SYNE1: variants seen among roughly 807,000 people sequenced by gnomAD.
The protein encoded by SYNE1 is spectrin repeat containing nuclear envelope protein 1, also known as nesprin-1.
Under a neutral mutation model 1,111.0 loss-of-function variants are expected in SYNE1, and 616 were observed. The ratio of observed to expected loss-of-function variants is 0.55; its 90% CI spans 0.52 to 0.59. SYNE1 has a LOEUF of 0.59. SYNE1 is among the 20% of genes least tolerant of loss of function. The pLI, the probability that SYNE1 is intolerant of heterozygous loss-of-function variation, is 0.00. For missense variants in SYNE1, 10,006 were observed against 10,417.0 expected, an observed-to-expected ratio of 0.96 and a Z score of 1.72; for synonymous variants, 3,855 against 3,825.8, an observed-to-expected ratio of 1.01 and a Z score of -0.28.
At chr6:152,407,575 T>C (rs2097918774) in intron 44 of SYNE1, among the ~76,000 whole-genome samples, 1 of 152,198 alleles carries the variant, frequency 6.6e-6, no homozygotes, top group Non-Finnish European at 1.5e-5. Context: ...TTATTTCTAA[T>C]GCTGAGGTAT....
intron 20 of SYNE1, 164 bp downstream of exon 20, chr6:152,462,574 T>A (rs561809232): frequency 4.2e-6 from 3 of 714,070 alleles, no homozygotes; most frequent in Non-Finnish European, 7.1e-6. Flanking sequence ...GTCTTTTTTA[T>A]GTTCAATACA....
Position 152,458,780 on chromosome 6 carries a change from C to A in SYNE1, c.2545G>T (p.Ala849Ser), listed in dbSNP as rs1192169970. The change falls in exon 22 of 146, where the codon GCC becomes TCC. Residue 849 changes from alanine to serine, a missense_variant. Around this residue, in one of 7 missense-constraint regions of SYNE1, gnomAD observed 1,971 missense variants for 2,084.1 expected, o/e 0.95. Coordinates refer to ENST00000367255, the MANE Select transcript of SYNE1 (RefSeq NM_182961.4). ...TVLEREAQSS[A>S]LFKQKHQELL... Reference sequence around the variant, plus strand: ...ACCTGATGTTTTTGTTTAAAAAGGGCACTCGATTGTGCCTCACGCTCAAGA... The same window carrying A: ...ACCTGATGTTTTTGTTTAAAAAGGGAACTCGATTGTGCCTCACGCTCAAGA... The A allele has an allele frequency of 6.2e-7, 1 of 1,613,888 alleles. No individual in the cohort carries two copies. Among genetic ancestry groups the A allele is most frequent in the African/African-American group, 1.3e-5 (1 of 74,888 alleles).
chr6:152,567,029 G>A (rs1043481087), intron 3 of SYNE1, among the ~76,000 whole-genome samples: 6 of 151,030 alleles, frequency 4.0e-5, no homozygotes, highest in South Asian at 2.1e-4. Context: ...GTGTGTATGC[G>A]TGTGTGGCAA....
Position 152,433,799 on chromosome 6 carries a change from A to C in SYNE1, c.4457T>G (p.Ile1486Ser), listed in dbSNP as rs2154210723. Residue 1486 changes from isoleucine (I) to serine (S), a missense_variant, in exon 34 of 146, where the codon ATT (isoleucine) becomes AGT (serine). Around this residue, in one of 7 missense-constraint regions of SYNE1, gnomAD observed 1,971 missense variants for 2,084.1 expected, o/e 0.95. Transcript: ENST00000367255. Reference protein sequence around the residue: ...SSAMDMQISQIKVTIQEIESK... With the variant: ...SSAMDMQISQSKVTIQEIESK... ...TATAATGTGTGAGCAGGTCACCTTA[A>C]TTTGGCTGATTTGCATGTCCATGGC... 1 of 1,613,764 alleles carries C rather than the reference A, an allele frequency of 6.2e-7. No individual in the cohort carries two copies.
intron 129 of SYNE1, among the ~76,000 whole-genome samples, 180 bp from the exon 130 acceptor site, chr6:152,176,740 T>C (rs559607450): frequency 6.6e-6 from 1 of 152,270 alleles, no homozygotes; most frequent in South Asian, 2.1e-4. Flanking sequence ...ATTTTTGGTA[T>C]GTATGCAGAG....
chr6:152,482,970 G>C, intron 14 of SYNE1, 115 bp downstream of exon 14: 1 of 1,190,266 alleles, frequency 8.4e-7, no homozygotes, highest in Non-Finnish European at 1.3e-6. Context: ...TGACGTCTCC[G>C]ATCATGTAGA....
intron 8 of SYNE1, among the ~76,000 whole-genome samples, chr6:152,509,548 C>T (rs1471723586): frequency 2.0e-5 from 3 of 152,036 alleles, no homozygotes; most frequent in Non-Finnish European, 2.9e-5. Context: ...TGAGTCACTG[C>T]GTCTGGCTGA....
chr6:152,154,050 T>C (rs2060910665), intron 133 of SYNE1, among the ~76,000 whole-genome samples: 1 of 152,224 alleles, frequency 6.6e-6, no homozygotes, highest in Admixed American at 6.5e-5. Flanking sequence ...TAATTAGCAA[T>C]GGTCAGAATG....
intron 4 of SYNE1, among the ~76,000 whole-genome samples, chr6:152,531,789 C>T (rs780210118): frequency 5.3e-5 from 8 of 152,114 alleles, no homozygotes; most frequent in South Asian, 4.1e-4. Flanking sequence ...CTTATTATAA[C>T]GTCCTCAAGG....
intron 62 of SYNE1, among the ~76,000 whole-genome samples, chr6:152,366,266 A>G (rs1389498307): frequency 2.0e-5 from 3 of 152,206 alleles, no homozygotes; most frequent in Non-Finnish European, 4.4e-5. Flanking sequence ...CAGGAGGCAG[A>G]GGTTGCGGTG....
chr6:152,282,481 A>C (rs751159679), intron 96 of SYNE1, among the ~76,000 whole-genome samples: 2 of 152,188 alleles, frequency 1.3e-5, no homozygotes, highest in Non-Finnish European at 2.9e-5. Flanking sequence ...TTTCATCTCC[A>C]GTAAAGGGAG....
intron 46 of SYNE1, among the ~76,000 whole-genome samples, chr6:152,401,862 C>G (rs920380231): frequency 1.3e-5 from 2 of 152,092 alleles, no homozygotes; most frequent in African/African-American, 2.4e-5. Context: ...TTCTATGGCC[C>G]CCTAGTTAGT....
At chr6:152,602,359 G>A (rs778982330) in intron 3 of SYNE1, among the ~76,000 whole-genome samples, 8 of 152,124 alleles carry the variant, frequency 5.3e-5, no homozygotes, top group Non-Finnish European at 8.8e-5. Context: ...GAAGAAGACA[G>A]CCATCTACAA....
chr6:152,154,541 T>TA (rs1009669897), intron 133 of SYNE1, among the ~76,000 whole-genome samples: 1 of 151,902 alleles, frequency 6.6e-6, no homozygotes, highest in Admixed American at 6.6e-5. Flanking sequence ...TTTTATGGTT[T>TA]AAAAAAATCA....
At chr6:152,453,402 T>A (rs2098667685) in intron 25 of SYNE1, 184 bp downstream of exon 25, 1 of 797,260 alleles carries the variant, frequency 1.3e-6, no homozygotes, top group East Asian at 2.5e-5. Context: ...TAAATAGGAA[T>A]AACACAATTC....
rs114787521 is a variant in SYNE1, at chr6:152,167,105, T to C, written c.23628-2780A>G. ...TGGGTAAGTTTAGCAGCTTGATAAA[T>C]CTGTAAGTCCCTGCAGCTTATGGTT... On this transcript the variant is annotated intron_variant, in intron 130 of 145. Transcript: ENST00000367255. 2.2e-3 allele frequency among the ~76,000 whole-genome samples: 335 copies of C among 152,314 alleles called. 1 individual carries two copies. Among genetic ancestry groups the C allele is most frequent in the African/African-American group, 7.7e-3 (320 of 41,568 alleles).
chr6:152,332,673 A>G (rs2096274663), intron 77 of SYNE1, among the ~76,000 whole-genome samples: 1 of 152,242 alleles, frequency 6.6e-6, no homozygotes. Flanking sequence ...TAGGTAGTAC[A>G]ATCTGTAAGG....
chr6:152,347,915 C>G (rs1198742352), intron 72 of SYNE1, among the ~76,000 whole-genome samples: 1 of 151,000 alleles, frequency 6.6e-6, no homozygotes, highest in Non-Finnish European at 1.5e-5. Flanking sequence ...GTCTTGAACT[C>G]CTGACCTCAA....
intron 8 of SYNE1, among the ~76,000 whole-genome samples, chr6:152,508,183 C>G (rs1179627231): frequency 6.6e-6 from 1 of 152,166 alleles, no homozygotes; most frequent in Non-Finnish European, 1.5e-5. Context: ...AAAAAATTAT[C>G]AACAGTTTGG....
Sources: allele counts gnomAD v4.1 joint callset (sites outside exome capture counted in the v4.1 genomes callset), GRCh38; gene constraint gnomAD v4.1.1; regional missense constraint gnomAD v4.1.1; transcripts MANE v1.5; gene names NCBI Gene and HGNC (gene_info 2026-07-23, HGNC 2026-07-21).